Variants in MANBA observed in about 807,000 individuals in gnomAD.
MANBA encodes beta-mannosidase.
In MANBA, 83 loss-of-function variants were observed where a neutral mutation model predicts 111.1. That is an observed-to-expected ratio of 0.75 (90% confidence interval 0.63 to 0.90). The LOEUF (loss-of-function observed/expected upper bound fraction) is 0.90. Ranked by LOEUF, MANBA falls within the 40% of genes least tolerant of loss-of-function variation. The pLI is 0.00. For missense variants in MANBA, 1,036 were observed against 1,069.0 expected (o/e 0.97, Z 0.43); for synonymous variants, 370 against 378.7 (o/e 0.98, Z 0.27).
At chr4:102,676,692 A>T (rs1027445015) in intron 7 of MANBA, among the ~76,000 whole-genome samples, 2 of 152,124 alleles carry the variant, frequency 1.3e-5, no homozygotes, top group Non-Finnish European at 2.9e-5. Context: ...TCATCAAAAA[A>T]CTTCTTTTCT....
intron 4 of MANBA, among the ~76,000 whole-genome samples, chr4:102,721,248 C>T (rs999144846): frequency 3.9e-5 from 6 of 152,076 alleles, no homozygotes; most frequent in African/African-American, 4.8e-5. Flanking sequence ...TGTTTTAACA[C>T]GGGAGGCGGA....
rs1206843210 is a variant in MANBA at position 102,755,638 on chromosome 4, G to A, written c.177+5080C>T. 5.3e-5 allele frequency among the ~76,000 whole-genome samples: 8 copies of A among 152,080 alleles called. No homozygotes were observed. The South Asian group carries it at 8.3e-4, about 16-fold the overall frequency. Reference sequence around the variant, plus strand: ...TGACAAATGGGATCTAATTAAACTAGAGAGCTTCTGCACAGCAAAAGAAAC... The same window carrying A: ...TGACAAATGGGATCTAATTAAACTAAAGAGCTTCTGCACAGCAAAAGAAAC... On this transcript the variant is annotated intron_variant, in intron 1 of 16. Transcript: ENST00000647097.
intron 13 of MANBA, among the ~76,000 whole-genome samples, chr4:102,649,444 A>G (rs1434200536): frequency 6.6e-6 from 1 of 152,148 alleles, no homozygotes; most frequent in Non-Finnish European, 1.5e-5. Flanking sequence ...AATTTTAGCC[A>G]TTCTGCTGGG....
intron 5 of MANBA, among the ~76,000 whole-genome samples, chr4:102,709,587 A>G (rs1721961401): frequency 6.6e-6 from 1 of 152,288 alleles, no homozygotes; most frequent in Middle Eastern, 3.4e-3. Context: ...ACTAATACCA[A>G]TTCCACACAA....
chr4:102,720,530 G>A (rs112795898), intron 4 of MANBA, among the ~76,000 whole-genome samples: 8,656 of 151,076 alleles, frequency 0.057, 728 homozygotes, highest in African/African-American at 0.18. Flanking sequence ...ACTTGAACCC[G>A]GGAGGCAGAG....
At chr4:102,664,934 C>G in intron 10 of MANBA, 82 bp from the exon 11 acceptor site, 1 of 1,118,510 alleles carries the variant, frequency 8.9e-7, no homozygotes, top group Non-Finnish European at 1.3e-6. Context: ...AAAATTAAAG[C>G]CCTTGCATTT....
chr4:102,647,744 T>G (rs887199603), intron 13 of MANBA, among the ~76,000 whole-genome samples: 2 of 152,126 alleles, frequency 1.3e-5, no homozygotes, highest in African/African-American at 4.8e-5. Flanking sequence ...AAAACTTTCC[T>G]AACCTATAAG....
In MANBA at chr4:102,657,667, C is replaced by G. The variant is rs1294426227; in HGVS notation, c.1704+15G>C. On this transcript the variant is annotated intron_variant, in intron 12 of 16. Coordinates refer to ENST00000647097, the MANE Select transcript of MANBA (RefSeq NM_005908.4). Reference sequence around the variant, plus strand: ...CTATCATTCTGAAACATTAGAAAATCAAACGATGACTTACCTTTTCTAATG... The same window carrying G: ...CTATCATTCTGAAACATTAGAAAATGAAACGATGACTTACCTTTTCTAATG... 2 of 1,570,872 alleles carry G rather than the reference C, an allele frequency of 1.3e-6. No homozygotes were observed. The highest frequency in any genetic ancestry group is 4.5e-5 in the East Asian group (2 of 44,638).
intron 9 of MANBA, among the ~76,000 whole-genome samples, chr4:102,670,574 T>G (rs1731451254): frequency 1.3e-5 from 2 of 152,184 alleles, no homozygotes; most frequent in South Asian, 4.1e-4. Context: ...CCAGGTACAG[T>G]GGCTCACACC....
At position 102,713,277 on chromosome 4, in the gene MANBA, C is replaced by T. The variant is rs149745461; in HGVS notation, c.673+1161G>A. Among the ~76,000 whole-genome samples, 830 of 152,322 alleles carry T rather than the reference C, an allele frequency of 5.4e-3. 12 individuals carry two copies. Among genetic ancestry groups the T allele is most frequent in the African/African-American group, 0.019 (788 of 41,576 alleles). ...GATTACACTGAGCATTGCACGCTCTCATTTAAGATCTCACTTGCCTCCATC... is the reference window on the plus strand; with the variant it reads ...GATTACACTGAGCATTGCACGCTCTTATTTAAGATCTCACTTGCCTCCATC... On this transcript the variant is annotated intron_variant, in intron 5 of 16. Transcript: ENST00000647097.
chr4:102,666,168 T>C (rs1731211413), intron 10 of MANBA: 1 of 152,278 alleles, frequency 6.6e-6, no homozygotes, highest in Admixed American at 6.5e-5. Flanking sequence ...TAGAGTTTTA[T>C]GGTAAGCTTT....
intron 5 of MANBA, among the ~76,000 whole-genome samples, chr4:102,698,694 C>G (rs984173485): frequency 2.0e-5 from 3 of 151,846 alleles, no homozygotes; most frequent in Non-Finnish European, 4.4e-5. Flanking sequence ...TCTGAGGGCT[C>G]TATTCTGTTC....
At chr4:102,727,281 T>TGC in intron 1 of MANBA, 2 of 569,912 alleles carry the variant, frequency 3.5e-6, no homozygotes, top group Non-Finnish European at 3.2e-6. Flanking sequence ...ACTTGACTTC[T>TGC]GCTCTTTCTG....
intron 1 of MANBA, among the ~76,000 whole-genome samples, chr4:102,757,616 A>T (rs929710472): frequency 1.3e-5 from 2 of 152,170 alleles, no homozygotes; most frequent in African/African-American, 2.4e-5. Context: ...TCTCACAACC[A>T]TTCTCACCAT....
chr4:102,722,594 T>A (rs2110193353), intron 4 of MANBA: 1 of 403,678 alleles, frequency 2.5e-6, no homozygotes, highest in Non-Finnish European at 4.6e-6. Context: ...AAAAAATAAT[T>A]TGTAAAGTTC....
At chr4:102,755,466 T>G (rs1305046900) in intron 1 of MANBA, among the ~76,000 whole-genome samples, 1 of 152,114 alleles carries the variant, frequency 6.6e-6, no homozygotes, top group Non-Finnish European at 1.5e-5. Flanking sequence ...ATACAAAAAT[T>G]AATTCAAGAT....
intron 10 of MANBA, chr4:102,666,259 T>A (rs554842428): frequency 6.6e-6 from 1 of 152,258 alleles, no homozygotes; most frequent in Non-Finnish European, 1.5e-5. Context: ...GATACATAAA[T>A]GTTAGATTTT....
chr4:102,664,518 T>C (rs929703685), intron 11 of MANBA, among the ~76,000 whole-genome samples, 167 bp downstream of exon 11: 2 of 151,780 alleles, frequency 1.3e-5, no homozygotes, highest in African/African-American at 2.4e-5. Flanking sequence ...CCAGCTAATT[T>C]TTTTTGTATT....
intron 7 of MANBA, among the ~76,000 whole-genome samples, chr4:102,678,517 T>G (rs1731820910): frequency 6.6e-6 from 1 of 151,246 alleles, no homozygotes; most frequent in South Asian, 2.1e-4. Flanking sequence ...GACTAAAATT[T>G]TTTAAACAGT....
Sources: gnomAD v4.1 joint callset for allele counts (sites outside exome capture counted in the v4.1 genomes callset) on GRCh38, gnomAD v4.1.1 for gene constraint, MANE v1.5 for transcripts, NCBI Gene and HGNC (gene_info 2026-07-23, HGNC 2026-07-21) for gene names.